CEP350: variants seen among roughly 807,000 people sequenced by gnomAD.
CEP350 encodes the protein centrosomal protein 350.
A neutral mutation model predicts 331.8 loss-of-function variants in CEP350; 126 were observed. The observed-to-expected ratio is 0.38, with a 90% CI of 0.33 to 0.44. CEP350 has a LOEUF of 0.44. Among genes scored for constraint, CEP350 ranks in the 20% least tolerant of loss-of-function variants. CEP350 has a pLI of 1.00. For missense variants in CEP350, 3,406 were observed against 3,634.6 expected, an observed-to-expected ratio of 0.94 and a Z score of 1.62; for synonymous variants, 1,200 against 1,259.5, an observed-to-expected ratio of 0.95 and a Z score of 1.00.
intron 25 of CEP350, among the ~76,000 whole-genome samples, chr1:180,055,438 A>G (rs1657759353): frequency 6.7e-6 from 1 of 150,132 alleles, no homozygotes; most frequent in Non-Finnish European, 1.5e-5. Flanking sequence ...GTGTTAGATG[A>G]TTTAGGAAGC....
At chr1:180,107,835 C>CAAAAG (rs532483523) in intron 37 of CEP350, among the ~76,000 whole-genome samples, 15 of 150,910 alleles carry the variant, frequency 9.9e-5, no homozygotes, top group Non-Finnish European at 1.9e-4. Flanking sequence ...CCCAAAAAAA[C>CAAAAG]AAAACAAAAC....
chr1:180,084,073 G>A lies in CEP350; in HGVS notation c.6180G>A (p.Glu2060=), dbSNP rs1362878933. ...IEGRIRALKD[E]LRKRKSVVNQ... ...GTAGGATCAGAGCTCTGAAGGATGA[G>A]TTGCGGAAAAGAAAATCAGTTGTGA... Residue 2060 remains glutamate (E), a synonymous_variant, in exon 31 of 38, where the codon GAG becomes GAA. Coordinates refer to ENST00000367607, the MANE Select transcript of CEP350 (RefSeq NM_014810.5). The A allele has an allele frequency of 1.2e-6, 2 of 1,602,472 alleles. No individual in the cohort carries two copies. The highest frequency in any genetic ancestry group is 1.7e-6 in the Non-Finnish European group (2 of 1,173,858).
At chr1:180,082,889 G>T (rs1475794720) in intron 30 of CEP350, among the ~76,000 whole-genome samples, 1 of 152,084 alleles carries the variant, frequency 6.6e-6, no homozygotes, top group East Asian at 1.9e-4. Flanking sequence ...AGTAAATATT[G>T]AGCCTTGCCT....
intron 30 of CEP350, among the ~76,000 whole-genome samples, chr1:180,081,455 A>T (rs7522347): frequency 0.076 from 11,559 of 152,288 alleles, 622 homozygotes; most frequent in African/African-American, 0.16. Context: ...ATATTTCACA[A>T]TTGCAAATAA....
rs778270195 is a variant in CEP350 at position 180,098,978 on chromosome 1, A to G, written c.9182A>G (p.His3061Arg). ...AGAAAGAAAAGAGACCGAGTGGATC[A>G]TATCCTGGTCAGTGTATACAACCAA... ...FGRKKRDRVD[H>R]ILVQELHEEE... The change falls in exon 37 of 38, where the codon CAT becomes CGT. Residue 3061 changes from histidine (H) to arginine (R), a missense_variant. By Grantham distance (29) the His-to-Arg change is conservative. Coordinates refer to ENST00000367607, the MANE Select transcript of CEP350 (RefSeq NM_014810.5). The G allele has an allele frequency of 1.9e-6, 3 of 1,613,416 alleles. No individual in the cohort carries two copies. The highest frequency in any genetic ancestry group is 2.5e-6 in the Non-Finnish European group (3 of 1,179,664).
rs1373996998 is a variant in CEP350 at position 180,112,838 on chromosome 1, C to T, written c.*1677C>T. The stretch of plus-strand genomic sequence containing the variant: ...TTTCACTATGCACACTCCCATTCCT[C>T]TTGGGTTTCATCTTGTCGTTTAAGA... On this transcript the variant is annotated 3_prime_UTR_variant, in exon 38 of 38. Coordinates refer to ENST00000367607, the MANE Select transcript of CEP350 (RefSeq NM_014810.5). 4 of 152,634 alleles carry T rather than the reference C, an allele frequency of 2.6e-5. No homozygotes were observed. Among genetic ancestry groups the T allele is most frequent in the Non-Finnish European group, 5.9e-5 (4 of 68,030 alleles). 9.5% of individuals were successfully genotyped at this position (152,634 alleles called of 1,614,324 possible).
chr1:179,993,509 A>T (rs967886957), intron 5 of CEP350, among the ~76,000 whole-genome samples: 1 of 152,090 alleles, frequency 6.6e-6, no homozygotes, highest in Non-Finnish European at 1.5e-5. Flanking sequence ...TGCAACCTCC[A>T]CCTTCTGGAC....
At chr1:180,049,675 C>T (rs558359290) in intron 22 of CEP350, among the ~76,000 whole-genome samples, 95 of 151,810 alleles carry the variant, frequency 6.3e-4, no homozygotes, top group African/African-American at 2.3e-3. Flanking sequence ...TCCTGAGTAG[C>T]TGGGATTACA....
intron 1 of CEP350, among the ~76,000 whole-genome samples, chr1:179,980,722 C>T (rs149206349): frequency 1.3e-5 from 2 of 152,158 alleles, no homozygotes; most frequent in African/African-American, 4.8e-5. Context: ...CTCTCTTTCT[C>T]TCTCTCTCCC....
chr1:180,062,486 A>G, intron 26 of CEP350, 120 bp downstream of exon 26: 1 of 1,236,846 alleles, frequency 8.1e-7, no homozygotes, highest in Non-Finnish European at 1.1e-6. Context: ...GAACTAGGAT[A>G]AAGTTCTATG....
chr1:180,013,346 A>T (rs1437621279), intron 9 of CEP350, among the ~76,000 whole-genome samples: 5 of 152,312 alleles, frequency 3.3e-5, no homozygotes, highest in African/African-American at 1.2e-4. Context: ...TAATATTTTC[A>T]GTGCCATTAT....
At chr1:180,109,123 CTTT>C (rs34359732) in intron 37 of CEP350, among the ~76,000 whole-genome samples, 4 of 140,330 alleles carry the variant, frequency 2.9e-5, no homozygotes, top group Non-Finnish European at 3.1e-5. Context: ...TTCACTTTCT[CTTT>C]TTTTTTTTTT....
chr1:179,990,782 C>T (rs1162476685), intron 4 of CEP350, among the ~76,000 whole-genome samples, 161 bp downstream of exon 4: 1 of 152,174 alleles, frequency 6.6e-6, no homozygotes, highest in East Asian at 1.9e-4. Context: ...GTCTTGAACT[C>T]CTGGCCTTAA....
Position 180,080,635 on chromosome 1 carries a change from A to G in CEP350, c.6098A>G (p.Asp2033Gly), listed in dbSNP as rs748777210. 2.5e-6 allele frequency: 4 copies of G among 1,613,756 alleles called. No individual in the cohort carries two copies. The highest frequency in any genetic ancestry group is 3.4e-6 in the Non-Finnish European group (4 of 1,179,844). Residue 2033 changes from aspartate (D) to glycine (G), a missense_variant, in exon 30 of 38, where the codon GAT becomes GGT. By Grantham distance (94) the Asp-to-Gly change is moderately conservative (BLOSUM62 -1). Around this residue, in one of 5 missense-constraint regions of CEP350, gnomAD observed 1,415 missense variants for 1,512.3 expected, o/e 0.94. Coordinates refer to ENST00000367607, the MANE Select transcript of CEP350 (RefSeq NM_014810.5). ...CATCAGCACTGTTATAGTTGGTCAG[A>G]TGAGTCATTATCTATGACACAGTCA... ...KSHQHCYSWS[D>G]ESLSMTQSET...
chr1:179,987,356 TAA>T lies in CEP350; in HGVS notation c.120+73_120+74del, dbSNP rs372025014. 3.2e-3 allele frequency: 2,598 copies of T among 811,310 alleles called. 43 individuals carry two copies. In the African/African-American group the frequency reaches 0.034, roughly 10 times the overall value. 50.3% of individuals were successfully genotyped at this position (811,310 alleles called of 1,614,324 possible). On this transcript the variant is annotated intron_variant, in intron 3 of 37. Transcript: ENST00000367607. ...AATTTCCTGTTATGATTGAATAGAT[TAA>T]AATGTTTTCCATACTGTTCTTTAAA...
At chr1:180,000,158 A>G (rs1653763796) in intron 6 of CEP350, among the ~76,000 whole-genome samples, 1 of 152,226 alleles carries the variant, frequency 6.6e-6, no homozygotes, top group Non-Finnish European at 1.5e-5. Context: ...AAACTGATGT[A>G]GATAGTGAAA....
intron 21 of CEP350, among the ~76,000 whole-genome samples, chr1:180,046,079 T>C (rs577917847): frequency 2.0e-5 from 3 of 152,350 alleles, no homozygotes; most frequent in Middle Eastern, 3.4e-3. Context: ...AGCTCTCACC[T>C]AAGTGTTCTC....
intron 1 of CEP350, among the ~76,000 whole-genome samples, chr1:179,976,556 A>T (rs1235277557): frequency 6.6e-6 from 1 of 151,900 alleles, no homozygotes; most frequent in Non-Finnish European, 1.5e-5. Flanking sequence ...TGGGAGGCTG[A>T]GGCAGGAGAA....
chr1:180,045,398 A>G (rs1657057294), intron 21 of CEP350, among the ~76,000 whole-genome samples: 1 of 152,298 alleles, frequency 6.6e-6, no homozygotes, highest in African/African-American at 2.4e-5. Flanking sequence ...ATGAATGGCT[A>G]TAGCTTTCAA....
Sources: allele counts gnomAD v4.1 joint callset (sites outside exome capture counted in the v4.1 genomes callset), GRCh38; gene constraint gnomAD v4.1.1; regional missense constraint gnomAD v4.1.1; transcripts MANE v1.5; gene names NCBI Gene and HGNC (gene_info 2026-07-23, HGNC 2026-07-21).